Variants in ADARB2 observed in about 807,000 individuals in gnomAD.
ADARB2 encodes inactive double-stranded RNA-specific editase B2.
ADARB2 carries 25 observed loss-of-function variants against 62.2 expected under a neutral mutation model. The ratio of observed to expected loss-of-function variants is 0.40; its 90% CI spans 0.29 to 0.56. ADARB2 has a LOEUF of 0.56. Among genes scored for constraint, ADARB2 ranks in the 20% least tolerant of loss-of-function variants. The pLI, the probability that ADARB2 is intolerant of heterozygous loss-of-function variation, is 0.43. For missense variants in ADARB2, 1,071 were observed against 1,077.4 expected, an observed-to-expected ratio of 0.99 and a Z score of 0.08; for synonymous variants, 572 against 500.8, an observed-to-expected ratio of 1.14 and a Z score of -1.90.
chr10:1,225,602 G>T (rs1189657728), intron 6 of ADARB2, among the ~76,000 whole-genome samples: 2 of 152,072 alleles, frequency 1.3e-5, no homozygotes, highest in Non-Finnish European at 2.9e-5. Context: ...TGTAGGGCAG[G>T]CCTGGTGGTG....
chr10:1,258,155 T>C (rs918452519), intron 4 of ADARB2, among the ~76,000 whole-genome samples: 1 of 152,194 alleles, frequency 6.6e-6, no homozygotes, highest in Admixed American at 6.5e-5. Context: ...CCTAACTCTT[T>C]TTCTTTCTTG....
intron 8 of ADARB2, among the ~76,000 whole-genome samples, chr10:1,198,294 C>T (rs1205728100): frequency 6.6e-6 from 1 of 152,210 alleles, no homozygotes; most frequent in East Asian, 1.9e-4. Context: ...TAATCTTCAT[C>T]TTCTAAGGCA....
At chr10:1,233,600 C>A in intron 6 of ADARB2, 94 bp downstream of exon 6, 1 of 1,357,806 alleles carries the variant, frequency 7.4e-7, no homozygotes, top group Non-Finnish European at 9.8e-7. Flanking sequence ...ACACACCGCG[C>A]CCCTGCCCTG....
rs564476284 is a variant in ADARB2 at position 1,593,635 on chromosome 10, G to A, written c.100+143416C>T. Among the ~76,000 whole-genome samples, 15 of 152,346 alleles carry A rather than the reference G, an allele frequency of 9.8e-5. No individual in the cohort carries two copies. The East Asian group carries it at 2.9e-3, about 29-fold the overall frequency. ...GAAGCAGAGAGTTCTGTAGTCTCAA[G>A]AGTTTAGAAAAGTCTTCTTTGAATT... is the stretch of plus-strand genomic sequence containing the variant. On this transcript the variant is annotated intron_variant, in intron 1 of 9. Transcript: ENST00000381312.
At chr10:1,675,853 G>A in intron 1 of ADARB2, 2 of 735,860 alleles carry the variant, frequency 2.7e-6, no homozygotes, top group South Asian at 1.2e-4. Flanking sequence ...TCTGATCCCT[G>A]CAGGAGGGCA....
chr10:1,440,270 G>A (rs924698450), intron 1 of ADARB2, among the ~76,000 whole-genome samples: 15 of 152,156 alleles, frequency 9.9e-5, no homozygotes, highest in African/African-American at 3.4e-4. Context: ...CCTGGGCTCC[G>A]AGACAGCCTG....
intron 1 of ADARB2, among the ~76,000 whole-genome samples, chr10:1,703,588 TG>T (rs1259679828): frequency 1.3e-5 from 2 of 152,072 alleles, no homozygotes; most frequent in Non-Finnish European, 2.9e-5. Flanking sequence ...AAAAATAGAA[TG>T]GGGAGATTTT....
chr10:1,358,906 A>G (rs1172477619), intron 3 of ADARB2, among the ~76,000 whole-genome samples: 1 of 152,136 alleles, frequency 6.6e-6, no homozygotes, highest in Non-Finnish European at 1.5e-5. Flanking sequence ...TGATTTATTT[A>G]TTTTTACTGG....
At chr10:1,716,373 A>G (rs187653459) in intron 1 of ADARB2, among the ~76,000 whole-genome samples, 9 of 152,380 alleles carry the variant, frequency 5.9e-5, no homozygotes, top group Non-Finnish European at 1.5e-5. Flanking sequence ...TGGAAAGACA[A>G]TAGACATTTC....
chr10:1,216,978 G>T lies in ADARB2; in HGVS notation c.1655C>A (p.Thr552Asn). 1 of 1,608,644 alleles carries T rather than the reference G, an allele frequency of 6.2e-7. No homozygotes were observed. The part of the protein sequence containing the change: ...DGVLLGEQLI[T>N]MSCTDKIARW... ...GGCGATCTTGTCCGTGCAGGACATG[G>T]TGATCAGCTGCTCCCCCAGCAGGAC... Residue 552 changes from threonine (T) to asparagine (N), a missense_variant, in exon 7 of 10, where the codon ACC (threonine) becomes AAC (asparagine). By Grantham distance (65) the Thr-to-Asn change is moderately conservative. Coordinates refer to ENST00000381312, the MANE Select transcript of ADARB2 (RefSeq NM_018702.4).
At chr10:1,330,726 A>T (rs1831920935) in intron 3 of ADARB2, among the ~76,000 whole-genome samples, 1 of 152,232 alleles carries the variant, frequency 6.6e-6, no homozygotes, top group Non-Finnish European at 1.5e-5. Flanking sequence ...AGCACAAGTC[A>T]TGAAAAGAAA....
intron 7 of ADARB2, among the ~76,000 whole-genome samples, chr10:1,202,883 C>T (rs1029579551): frequency 2.0e-5 from 3 of 152,216 alleles, no homozygotes; most frequent in East Asian, 1.9e-4. Context: ...ACTTCCGGAA[C>T]GTATGTGAGT....
chr10:1,667,600 G>A (rs1218267570), intron 1 of ADARB2, among the ~76,000 whole-genome samples: 1 of 152,116 alleles, frequency 6.6e-6, no homozygotes, highest in Admixed American at 6.5e-5. Flanking sequence ...ATATTCAAAG[G>A]GGTGTTTACC....
At chr10:1,244,091 C>T (rs562845556) in intron 4 of ADARB2, among the ~76,000 whole-genome samples, 14 of 152,324 alleles carry the variant, frequency 9.2e-5, no homozygotes, top group African/African-American at 2.2e-4. Flanking sequence ...TGCCCCCTAG[C>T]GGGGGTCCCA....
intron 1 of ADARB2, among the ~76,000 whole-genome samples, chr10:1,651,725 T>C (rs572001704): frequency 3.3e-5 from 5 of 151,886 alleles, no homozygotes; most frequent in African/African-American, 1.2e-4. Context: ...CCTTACTGCC[T>C]GAGCGTGGTG....
intron 1 of ADARB2, among the ~76,000 whole-genome samples, chr10:1,684,657 T>C (rs989886739): frequency 2.0e-5 from 3 of 152,220 alleles, no homozygotes; most frequent in African/African-American, 4.8e-5. Context: ...AGCCCTTCAT[T>C]TTGATTATTT....
chr10:1,269,914 G>C (rs1163024728), intron 4 of ADARB2, among the ~76,000 whole-genome samples: 2 of 152,064 alleles, frequency 1.3e-5, no homozygotes, highest in East Asian at 3.9e-4. Flanking sequence ...TGTCTGAAAG[G>C]GGGCCAGTTG....
chr10:1,326,944 C>T (rs1183083038), intron 3 of ADARB2, among the ~76,000 whole-genome samples: 16 of 64,500 alleles, frequency 2.5e-4, no homozygotes, highest in African/African-American at 9.4e-4. Flanking sequence ...CAGCGCCTCC[C>T]CACGGCACAG....
chr10:1,253,544 C>T (rs1479199123), intron 4 of ADARB2, among the ~76,000 whole-genome samples: 2 of 152,176 alleles, frequency 1.3e-5, no homozygotes, highest in East Asian at 3.8e-4. Context: ...ATTCAGTGGG[C>T]ATTAAACACC....
Sources: allele counts gnomAD v4.1 joint callset (sites outside exome capture counted in the v4.1 genomes callset), GRCh38; gene constraint gnomAD v4.1.1; transcripts MANE v1.5; gene names NCBI Gene and HGNC (gene_info 2026-07-23, HGNC 2026-07-21).